The following EP400 variants were observed in gnomAD, a reference collection of about 807,000 sequenced individuals.
EP400 encodes E1A-binding protein p400.
Under a neutral mutation model 354.1 loss-of-function variants are expected in EP400, and 105 were observed. That is an observed-to-expected ratio of 0.30 (90% CI 0.25 to 0.35). The LOEUF (loss-of-function observed/expected upper bound fraction) is 0.35, where lower values mean the gene tolerates loss of function less well. Among genes scored for constraint, EP400 ranks in the 10% least tolerant of loss-of-function variants. The pLI is 1.00. For synonymous variants in EP400, 1,646 were observed against 1,716.9 expected, an observed-to-expected ratio of 0.96 and a Z score of 1.02; for missense variants, 3,280 against 4,121.0, an observed-to-expected ratio of 0.80 and a Z score of 5.59.
At position 132,067,228 on chromosome 12, in the gene EP400, G is replaced by T; in HGVS notation, c.8750-134G>T. 7.5e-7 allele frequency: 1 copy of T among 1,336,886 alleles called. No individual in the cohort carries two copies. The highest frequency in any genetic ancestry group is 1.0e-6 in the Non-Finnish European group (1 of 977,034). The allele number at this position is 1,336,886 out of a possible 1,614,324, so 82.8% of individuals were successfully genotyped here. A position where few individuals can be genotyped will look rare whatever the true frequency, so the allele number is the denominator to read the frequency against. On this transcript the variant is annotated intron_variant, in intron 49 of 52. Transcript: ENST00000389561. The surrounding 1 kb of genome is among the most constrained non-coding windows in gnomAD (Gnocchi z 5.3). ...CCAGAAACATTTTAATGTAGTTAAG[G>T]GATGGCTTACTTGTCTCCATAGAGT...
At chr12:132,002,952 G>A (rs1393981152) in intron 12 of EP400, among the ~76,000 whole-genome samples, 1 of 152,204 alleles carries the variant, frequency 6.6e-6, no homozygotes, top group African/African-American at 2.4e-5. Context: ...TTAATTCTAA[G>A]TATATTTAGC....
At chr12:132,037,926 G>C in intron 31 of EP400, 27 bp from the exon 32 acceptor site, 1 of 1,614,054 alleles carries the variant, frequency 6.2e-7, no homozygotes, top group African/African-American at 1.3e-5. Flanking sequence ...CCTTGTACTG[G>C]GGAGTAACAC....
rs538415761 is a variant in EP400, at chr12:132,062,430, T to C, written c.8099-36T>C. 8.1e-6 allele frequency: 13 copies of C among 1,611,874 alleles called. No homozygotes were observed. The African/African-American group carries it at 1.6e-4, about 20-fold the overall frequency. Reference sequence around the variant, plus strand: ...ATGAGGATCTGAAGGTGGGCGAGTATCCCTGTCCAGACCTAATGAGCAAAC... The same window carrying C: ...ATGAGGATCTGAAGGTGGGCGAGTACCCCTGTCCAGACCTAATGAGCAAAC... On this transcript the variant is annotated intron_variant, in intron 46 of 52. Transcript: ENST00000389561.
intron 1 of EP400, among the ~76,000 whole-genome samples, chr12:131,956,714 A>G (rs541444961): frequency 6.6e-6 from 1 of 152,084 alleles, no homozygotes; most frequent in Non-Finnish European, 1.5e-5. Context: ...TAGCAGGATT[A>G]GTGGAGTGCC....
chr12:131,977,126 T>G (rs1892506524), intron 2 of EP400, among the ~76,000 whole-genome samples: 1 of 151,900 alleles, frequency 6.6e-6, no homozygotes, highest in South Asian at 2.1e-4. Flanking sequence ...GATTATGTTT[T>G]TTGTTTTTGT....
At chr12:132,042,508 C>G (rs1894948114) in intron 32 of EP400, among the ~76,000 whole-genome samples, 1 of 152,180 alleles carries the variant, frequency 6.6e-6, no homozygotes, top group African/African-American at 2.4e-5. Context: ...CTATTTTCTT[C>G]TACATGTTGC....
At chr12:131,979,609 T>G in intron 2 of EP400, 85 bp from the exon 3 acceptor site, 2 of 1,195,582 alleles carry the variant, frequency 1.7e-6, no homozygotes, top group Non-Finnish European at 1.2e-6. Flanking sequence ...AGGAGGTCGA[T>G]GTTTGGGATA....
Position 131,971,895 on chromosome 12 carries a change from T to G in EP400, c.1336-7799T>G, listed in dbSNP as rs150658617. On this transcript the variant is annotated intron_variant, in intron 2 of 52. Coordinates refer to ENST00000389561, the MANE Select transcript of EP400 (RefSeq NM_015409.5). ...GTTTAGTGAAAGATATCTTACTGTT[T>G]AAATTCTATGATTAATTTTACTGTG... 5.8e-3 allele frequency among the ~76,000 whole-genome samples: 883 copies of G among 152,284 alleles called. 9 individuals carry two copies. Among genetic ancestry groups the G allele is most frequent in the African/African-American group, 0.02 (840 of 41,580 alleles).
chr12:132,024,043 CT>C, intron 24 of EP400, 102 bp downstream of exon 24: 2 of 1,283,896 alleles, frequency 1.6e-6, no homozygotes, highest in Admixed American at 3.5e-5. Flanking sequence ...AAGTGTCAGG[CT>C]TTTCCCTGTG....
In EP400 at chr12:132,025,178, C is replaced by T. The variant is rs1275577995; in HGVS notation, c.4856-468C>T. ...TAGAGATGACCTGGGAAACTATCTT[C>T]TCCAGAGTAAAAGAAGTCAGAAAGA... On this transcript the variant is annotated intron_variant, in intron 24 of 52. Transcript: ENST00000389561. The surrounding 1 kb of genome is among the most constrained non-coding windows in gnomAD (Gnocchi z 4.1). 6.6e-6 allele frequency among the ~76,000 whole-genome samples: 1 copy of T among 152,136 alleles called. No individual in the cohort carries two copies. The highest frequency in any genetic ancestry group is 1.5e-5 in the Non-Finnish European group (1 of 68,028).
Position 131,986,719 on chromosome 12 carries a change from C to G in EP400, c.2135C>G (p.Ser712Cys). ...TCCCGGACCCCAGGGGTGGTGGCAT[C>G]TGCCCCCACCAAACCACAGAGTCCT... Reference protein sequence around the residue: ...VTSRTPGVVASAPTKPQSPAQ... With the variant: ...VTSRTPGVVACAPTKPQSPAQ... The change falls in exon 6 of 53, where the codon TCT (serine) becomes TGT (cysteine). Residue 712 changes from serine to cysteine, a missense_variant. By Grantham distance (112) the Ser-to-Cys change is moderately radical (BLOSUM62 -1). Around this residue, in one of 20 missense-constraint regions of EP400, gnomAD observed 800 missense variants for 840.0 expected, o/e 0.95. Coordinates refer to ENST00000389561, the MANE Select transcript of EP400 (RefSeq NM_015409.5). 1.9e-6 allele frequency: 3 copies of G among 1,614,204 alleles called. No individual in the cohort carries two copies. Among genetic ancestry groups the G allele is most frequent in the Non-Finnish European group, 2.5e-6 (3 of 1,180,020 alleles).
intron 2 of EP400, among the ~76,000 whole-genome samples, chr12:131,963,050 T>A (rs1008175292): frequency 6.6e-6 from 1 of 152,272 alleles, no homozygotes; most frequent in Non-Finnish European, 1.5e-5. Flanking sequence ...TCACCTCTAT[T>A]GTCCTGAAAT....
At chr12:132,000,408 C>T (rs914262499) in intron 12 of EP400, among the ~76,000 whole-genome samples, 2 of 152,146 alleles carry the variant, frequency 1.3e-5, no homozygotes, top group African/African-American at 4.8e-5. Context: ...ACATTCCATA[C>T]ATGCTTTAAA....
rs1245814806 is a variant in EP400 at position 132,078,798 on chromosome 12, C to T, written c.*1125C>T. On this transcript the variant is annotated 3_prime_UTR_variant, in exon 53 of 53. Coordinates refer to ENST00000389561, the MANE Select transcript of EP400 (RefSeq NM_015409.5). ...GTGGTTCTGCCAGTGAAGCAGAGAA[C>T]CACCTGTGCTGTTGTGGAAGGCGTG... The T allele has an allele frequency of 6.6e-6, 1 of 152,252 alleles. No individual in the cohort carries two copies. Among genetic ancestry groups the T allele is most frequent in the Admixed American group, 6.5e-5 (1 of 15,282 alleles). 9.4% of individuals were successfully genotyped at this position (152,252 alleles called of 1,614,324 possible).
At chr12:131,991,576 C>CTTTTTT (rs878864752) in intron 10 of EP400, 120 bp downstream of exon 10, 72 of 593,196 alleles carry the variant, frequency 1.2e-4, no homozygotes, top group African/African-American at 4.7e-4. Context: ...CCTTTCTTTT[C>CTTTTTT]TTTTTTTTTT....
intron 12 of EP400, among the ~76,000 whole-genome samples, chr12:131,996,656 T>C (rs1409429171): frequency 1.3e-5 from 2 of 152,238 alleles, no homozygotes; most frequent in Admixed American, 6.5e-5. Context: ...CATTCTTTAA[T>C]TGCTGTAACA....
chr12:132,069,458 T>C lies in EP400; in HGVS notation c.8875-37T>C, dbSNP rs777525202. The C allele has an allele frequency of 2.6e-5, 41 of 1,605,330 alleles. 1 individual carries two copies. The South Asian group carries it at 4.3e-4, about 17-fold the overall frequency. ...CGTCCCGGGAGTCTTGAGCGCGGCA[T>C]GGTCTCTGCGGCCCTAATTTCGCAG... On this transcript the variant is annotated intron_variant, in intron 50 of 52. Transcript: ENST00000389561.
At chr12:132,036,223 G>A (rs1177900622) in intron 30 of EP400, among the ~76,000 whole-genome samples, 13 of 141,416 alleles carry the variant, frequency 9.2e-5, no homozygotes, top group Admixed American at 3.6e-4. Context: ...AGGTTCACGC[G>A]GAACGTCATG....
chr12:132,065,118 T>C (rs1895846716), intron 48 of EP400: 16 of 747,480 alleles, frequency 2.1e-5, no homozygotes, highest in Admixed American at 3.0e-5. Flanking sequence ...TCTCAGGGCT[T>C]GAATTGAGGG....
Sources: allele counts gnomAD v4.1 joint callset (sites outside exome capture counted in the v4.1 genomes callset), GRCh38; gene constraint gnomAD v4.1.1; regional missense constraint gnomAD v4.1.1; non-coding constraint Gnocchi (gnomAD v3.1); transcripts MANE v1.5; gene names NCBI Gene and HGNC (gene_info 2026-07-23, HGNC 2026-07-21).